The following PTPRD variants were observed in gnomAD, a reference collection of about 807,000 sequenced individuals.
PTPRD encodes protein tyrosine phosphatase receptor type D.
Under a neutral mutation model 214.5 loss-of-function variants are expected in PTPRD, and 34 were observed. The observed-to-expected ratio is 0.16, with a 90% CI of 0.12 to 0.21. The LOEUF (loss-of-function observed/expected upper bound fraction) is 0.21. Ranked by LOEUF, PTPRD falls within the 10% of genes least tolerant of loss-of-function variation. PTPRD has a pLI of 1.00. For synonymous variants in PTPRD, 1,128 were observed against 845.7 expected (o/e 1.33, Z -5.79); for missense variants, 2,545 against 2,398.7 (o/e 1.06, Z -1.27).
intron 30 of PTPRD, among the ~76,000 whole-genome samples, chr9:8,480,924 G>C (rs2096868553): frequency 6.6e-6 from 1 of 152,040 alleles, no homozygotes; most frequent in Admixed American, 6.5e-5. Flanking sequence ...TGGATCACGA[G>C]GTCAGGAGAT....
At chr9:9,396,449 A>G (rs1007521443) in intron 9 of PTPRD, among the ~76,000 whole-genome samples, 1 of 152,064 alleles carries the variant, frequency 6.6e-6, no homozygotes, top group Non-Finnish European at 1.5e-5. Context: ...AGAAGCACCA[A>G]TGTAATATAC....
At chr9:9,377,232 C>A (rs1237904293) in intron 9 of PTPRD, among the ~76,000 whole-genome samples, 4 of 151,972 alleles carry the variant, frequency 2.6e-5, no homozygotes, top group South Asian at 2.1e-4. Context: ...TATCTTTGTG[C>A]ATTTAGTATA....
chr9:10,146,366 A>T (rs1362106352), intron 3 of PTPRD, among the ~76,000 whole-genome samples: 1 of 151,998 alleles, frequency 6.6e-6, no homozygotes, highest in Non-Finnish European at 1.5e-5. Context: ...GACCAATAAA[A>T]CCCCTGTCCT....
chr9:8,907,835 T>C lies in PTPRD; in HGVS notation c.-104+110862A>G, dbSNP rs2098719622. Among the ~76,000 whole-genome samples the C allele has an allele frequency of 2.0e-5, 3 of 152,040 alleles. No individual in the cohort carries two copies. The South Asian group carries it at 6.2e-4, about 31-fold the overall frequency. On this transcript the variant is annotated intron_variant, in intron 11 of 45. Transcript: ENST00000381196. ...GTGAGATAAAGCAAGTGTATTAATA[T>C]ACATGTAATATGAGTCCCAGAAGAA...
intron 6 of PTPRD, among the ~76,000 whole-genome samples, chr9:9,766,334 G>C (rs902539821): frequency 6.6e-6 from 1 of 152,018 alleles, no homozygotes; most frequent in Non-Finnish European, 1.5e-5. Context: ...TGTTTACTGA[G>C]CTGTTAATGT....
intron 8 of PTPRD, among the ~76,000 whole-genome samples, chr9:9,532,078 G>C (rs1028637969): frequency 6.6e-6 from 1 of 151,884 alleles, no homozygotes; most frequent in African/African-American, 2.4e-5. Context: ...CATAAATAAG[G>C]ACAAGTCTCA....
At chr9:9,344,816 C>A (rs1329461351) in intron 9 of PTPRD, among the ~76,000 whole-genome samples, 3 of 151,878 alleles carry the variant, frequency 2.0e-5, no homozygotes, top group Non-Finnish European at 4.4e-5. Context: ...AAAAGTTCTA[C>A]TTGAAACATG....
chr9:8,622,069 T>C (rs2095843210), intron 14 of PTPRD, among the ~76,000 whole-genome samples: 1 of 151,572 alleles, frequency 6.6e-6, no homozygotes, highest in African/African-American at 2.4e-5. Context: ...TCATTTTGTA[T>C]TTAGGTATGC....
At chr9:10,250,896 T>C (rs955467776) in intron 3 of PTPRD, among the ~76,000 whole-genome samples, 2 of 151,994 alleles carry the variant, frequency 1.3e-5, no homozygotes, top group African/African-American at 4.8e-5. Context: ...AAAATGTTTG[T>C]ATACTGGCAT....
At chr9:9,401,521 A>G (rs1412225169) in intron 8 of PTPRD, among the ~76,000 whole-genome samples, 5 of 151,970 alleles carry the variant, frequency 3.3e-5, no homozygotes, top group Non-Finnish European at 5.9e-5. Flanking sequence ...TGACCTTACT[A>G]TATATATATT....
At chr9:8,827,829 G>A (rs2097206522) in intron 11 of PTPRD, among the ~76,000 whole-genome samples, 1 of 152,226 alleles carries the variant, frequency 6.6e-6, no homozygotes, top group East Asian at 1.9e-4. Flanking sequence ...TTAAGACATA[G>A]CTAAATGAAC....
chr9:8,635,670 G>A (rs2096407234), intron 13 of PTPRD, among the ~76,000 whole-genome samples: 1 of 152,034 alleles, frequency 6.6e-6, no homozygotes, highest in African/African-American at 2.4e-5. Flanking sequence ...ACTAGAAATT[G>A]CCTTTAATCT....
chr9:9,791,508 T>G (rs2153473861), intron 5 of PTPRD, among the ~76,000 whole-genome samples: 1 of 152,276 alleles, frequency 6.6e-6, no homozygotes, highest in Non-Finnish European at 1.5e-5. Context: ...AGTCTCTTTC[T>G]TATAATGGGT....
chr9:8,617,067 A>T (rs780302606), intron 14 of PTPRD, among the ~76,000 whole-genome samples: 3 of 152,124 alleles, frequency 2.0e-5, no homozygotes, highest in Non-Finnish European at 2.9e-5. Context: ...TTATTTACAA[A>T]TCCTTTTTTT....
chr9:10,135,483 G>T (rs2098935881), intron 3 of PTPRD, among the ~76,000 whole-genome samples: 1 of 152,006 alleles, frequency 6.6e-6, no homozygotes, highest in South Asian at 2.1e-4. Context: ...CTAAAAAGAA[G>T]TGTCAGATCA....
At chr9:8,669,585 T>A (rs889110869) in intron 12 of PTPRD, among the ~76,000 whole-genome samples, 1 of 152,044 alleles carries the variant, frequency 6.6e-6, no homozygotes, top group Non-Finnish European at 1.5e-5. Flanking sequence ...GCTATCCAAG[T>A]CACCTCAAGG....
At chr9:8,890,893 G>C (rs1024624646) in intron 11 of PTPRD, among the ~76,000 whole-genome samples, 14 of 152,140 alleles carry the variant, frequency 9.2e-5, no homozygotes, top group African/African-American at 3.4e-4. Flanking sequence ...GCAGCTGCCT[G>C]TCTCAAAGAG....
At chr9:9,683,252 T>C (rs1458510810) in intron 7 of PTPRD, among the ~76,000 whole-genome samples, 1 of 151,754 alleles carries the variant, frequency 6.6e-6, no homozygotes, top group Admixed American at 6.6e-5. Flanking sequence ...GAAGTATTAG[T>C]GGTTCCCAAT....
intron 7 of PTPRD, among the ~76,000 whole-genome samples, chr9:9,701,948 G>A (rs1173722298): frequency 3.3e-5 from 5 of 152,072 alleles, no homozygotes; most frequent in East Asian, 1.9e-4. Flanking sequence ...GTGAAACTCC[G>A]TCTCTACTAA....
Sources: allele counts gnomAD v4.1 joint callset (sites outside exome capture counted in the v4.1 genomes callset), GRCh38; gene constraint gnomAD v4.1.1; transcripts MANE v1.5; gene names NCBI Gene and HGNC (gene_info 2026-07-23, HGNC 2026-07-21).